The following IMPG2 variants were observed in gnomAD, a reference collection of about 807,000 sequenced individuals.
IMPG2 encodes the protein interphotoreceptor matrix proteoglycan 2.
A neutral mutation model predicts 129.2 loss-of-function variants in IMPG2; 91 were observed. That is an observed-to-expected ratio of 0.70 (90% CI 0.59 to 0.84). IMPG2 has a LOEUF of 0.84. Among genes scored for constraint, IMPG2 ranks in the 40% least tolerant of loss-of-function variants. The pLI, the probability that IMPG2 is intolerant of heterozygous loss-of-function variation, is 0.00. For synonymous variants in IMPG2, 510 were observed against 517.7 expected (o/e 0.99, Z 0.20); for missense variants, 1,430 against 1,461.7 (o/e 0.98, Z 0.35).
At chr3:101,263,298 A>G (rs959336438) in intron 9 of IMPG2, among the ~76,000 whole-genome samples, 1 of 152,058 alleles carries the variant, frequency 6.6e-6, no homozygotes, top group Non-Finnish European at 1.5e-5. Flanking sequence ...ATGACTGACC[A>G]TATGTTAGGA....
chr3:101,269,325 T>C (rs1706753528), intron 8 of IMPG2, among the ~76,000 whole-genome samples, 190 bp downstream of exon 8: 1 of 152,224 alleles, frequency 6.6e-6, no homozygotes, highest in Non-Finnish European at 1.5e-5. Context: ...TGAGTTATTA[T>C]TTGGTCTTTT....
chr3:101,320,148 G>T, intron 1 of IMPG2, 140 bp downstream of exon 1: 5 of 685,586 alleles, frequency 7.3e-6, no homozygotes, highest in Non-Finnish European at 1.0e-5. Context: ...TTTTAAAACG[G>T]TTTAAATGAA....
chr3:101,311,707 C>G (rs984000572), intron 2 of IMPG2, among the ~76,000 whole-genome samples: 1 of 152,052 alleles, frequency 6.6e-6, no homozygotes, highest in Non-Finnish European at 1.5e-5. Flanking sequence ...AAACTGACAA[C>G]CTTACTATAA....
intron 18 of IMPG2, 92 bp from the exon 19 acceptor site, chr3:101,227,073 T>C: frequency 3.1e-6 from 4 of 1,294,734 alleles, no homozygotes; most frequent in Non-Finnish European, 4.5e-6. Flanking sequence ...GCTATACTCC[T>C]AAAATCATGA....
In IMPG2 at chr3:101,232,998, C is replaced by G; in HGVS notation, c.3023-7G>C. ...CAAGGGTTGGCTTCATCACCTAAAA[C>G]ATTAAACAAAGAATAATGCAAGAAA... On this transcript the variant is annotated splice_polypyrimidine_tract_variant and splice_region_variant and intron_variant, in intron 14 of 18. Transcript: ENST00000193391. The G allele has an allele frequency of 6.2e-7, 1 of 1,613,384 alleles. No homozygotes were observed. Among genetic ancestry groups the G allele is most frequent in the Non-Finnish European group, 8.5e-7 (1 of 1,179,388 alleles).
chr3:101,246,115 A>G lies in IMPG2; in HGVS notation c.1240-10T>C. The stretch of plus-strand genomic sequence containing the variant: ...CTTGAAAGGTATTATCCTGGGGGGA[A>G]AAAAAGGCTAAATCATATCATAGAT... On this transcript the variant is annotated splice_polypyrimidine_tract_variant and intron_variant, in intron 11 of 18. Transcript: ENST00000193391. 6.2e-7 allele frequency: 1 copy of G among 1,613,092 alleles called. No individual in the cohort carries two copies. The highest frequency in any genetic ancestry group is 1.1e-5 in the South Asian group (1 of 90,934).
At chr3:101,256,123 AG>A in intron 10 of IMPG2, among the ~76,000 whole-genome samples, 5 of 148,336 alleles carry the variant, frequency 3.4e-5, no homozygotes, top group East Asian at 2.0e-4. Flanking sequence ...AGAAAAAGAA[AG>A]AGAGAAAGAA....
chr3:101,319,656 C>T lies in IMPG2; in HGVS notation c.262G>A (p.Gly88Arg), dbSNP rs765127726. ...RRRRSILFPN[G>R]VKICPDESVA... ...CTTTCATCTGGGCAGATTTTCACTCCATTAGGAAACAGAATAGATCTCCGC... is the reference window on the plus strand; with the variant it reads ...CTTTCATCTGGGCAGATTTTCACTCTATTAGGAAACAGAATAGATCTCCGC... Residue 88 changes from glycine (G) to arginine (R), a missense_variant, in exon 2 of 19, where the codon GGA becomes AGA. Coordinates refer to ENST00000193391, the MANE Select transcript of IMPG2 (RefSeq NM_016247.4). 9.9e-6 allele frequency: 16 copies of T among 1,613,720 alleles called. No individual in the cohort carries two copies. The highest frequency in any genetic ancestry group is 1.4e-5 in the Non-Finnish European group (16 of 1,179,802).
At chr3:101,300,804 G>A (rs1270210672) in intron 3 of IMPG2, among the ~76,000 whole-genome samples, 1 of 152,162 alleles carries the variant, frequency 6.6e-6, no homozygotes. Context: ...TCTTGGCCCC[G>A]CCCCCCACTT....
chr3:101,249,266 C>T (rs1282608872), intron 11 of IMPG2, among the ~76,000 whole-genome samples: 1 of 152,078 alleles, frequency 6.6e-6, no homozygotes, highest in African/African-American at 2.4e-5. Context: ...ACTGTTGAGA[C>T]CCTGGATGAG....
chr3:101,246,200 T>C (rs1361701956), intron 11 of IMPG2, 95 bp from the exon 12 acceptor site: 2 of 1,202,020 alleles, frequency 1.7e-6, no homozygotes, highest in Non-Finnish European at 2.4e-6. Context: ...TCCCAGATCT[T>C]CTAGGGACAA....
At chr3:101,304,028 C>G in intron 3 of IMPG2, 118 bp downstream of exon 3, 4 of 1,055,452 alleles carry the variant, frequency 3.8e-6, no homozygotes, top group Non-Finnish European at 5.9e-6. Flanking sequence ...CTCAGATAGC[C>G]CAATTCAACA....
chr3:101,277,716 G>C (rs946750207), intron 4 of IMPG2, among the ~76,000 whole-genome samples: 9 of 152,134 alleles, frequency 5.9e-5, no homozygotes, highest in Admixed American at 5.2e-4. Flanking sequence ...GAGATCAGAA[G>C]ATAATCTAAG....
chr3:101,253,824 C>G (rs749152123), intron 10 of IMPG2, 43 bp from the exon 11 acceptor site: 7 of 1,375,654 alleles, frequency 5.1e-6, no homozygotes, highest in African/African-American at 1.4e-5. Context: ...AGATGAGGCC[C>G]TATTGTATTT....
rs1320207281 is a variant in IMPG2 at position 101,244,611 on chromosome 3, A to C, written c.1720T>G (p.Ser574Ala). 6.3e-7 allele frequency: 1 copy of C among 1,599,012 alleles called. No homozygotes were observed. The highest frequency in any genetic ancestry group is 1.7e-5 in the Admixed American group (1 of 57,614). ...ACTTTTAATTGGTCTTTGACTTTGG[A>C]GGTCAAGGAGTCCAAGCCAAAAGGT... ...SIPFGLDSLT[S>A]KVKDQLKVSP... Residue 574 changes from serine (S) to alanine (A), a missense_variant, in exon 13 of 19, where the codon TCC becomes GCC. Physicochemically the swap from Ser to Ala is moderately conservative, Grantham distance 99. Coordinates refer to ENST00000193391, the MANE Select transcript of IMPG2 (RefSeq NM_016247.4).
chr3:101,275,769 T>C, intron 5 of IMPG2, 24 bp from the exon 6 acceptor site: 3 of 1,537,444 alleles, frequency 2.0e-6, no homozygotes, highest in Non-Finnish European at 2.7e-6. Context: ...CAAAAACATA[T>C]GCATGAATTC....
chr3:101,240,517 T>G (rs1019479293), intron 14 of IMPG2, among the ~76,000 whole-genome samples: 2 of 152,214 alleles, frequency 1.3e-5, no homozygotes, highest in Non-Finnish European at 2.9e-5. Context: ...TTATATATAC[T>G]ACTTGTTTAT....
chr3:101,239,073 A>G (rs765185998), intron 14 of IMPG2, among the ~76,000 whole-genome samples: 7 of 152,244 alleles, frequency 4.6e-5, no homozygotes, highest in Non-Finnish European at 8.8e-5. Context: ...ACAAAAGCCA[A>G]AATCGATAAA....
At chr3:101,269,607 T>C (rs368813625) in intron 7 of IMPG2, 34 bp from the exon 8 acceptor site, 1 of 1,226,114 alleles carries the variant, frequency 8.2e-7, no homozygotes, top group Non-Finnish European at 1.2e-6. Context: ...GATAACTATG[T>C]AAAAATATGG....
Sources: gnomAD v4.1 joint callset for allele counts (sites outside exome capture counted in the v4.1 genomes callset) on GRCh38, gnomAD v4.1.1 for gene constraint, MANE v1.5 for transcripts, NCBI Gene and HGNC (gene_info 2026-07-23, HGNC 2026-07-21) for gene names.